Variants in BCAP29 observed in about 807,000 individuals in gnomAD.
The protein encoded by BCAP29 is B-cell receptor-associated protein 29.
A neutral mutation model predicts 31.8 loss-of-function variants in BCAP29; 34 were observed. The ratio of observed to expected loss-of-function variants is 1.07; its 90% CI spans 0.81 to 1.42. BCAP29 has a LOEUF of 1.42. BCAP29 is among the 40% of genes most tolerant of loss of function. The pLI is 0.00. For synonymous variants in BCAP29, 104 were observed against 91.3 expected, an observed-to-expected ratio of 1.14 and a Z score of -0.79; for missense variants, 314 against 269.2, an observed-to-expected ratio of 1.17 and a Z score of -1.16.
Position 107,595,949 on chromosome 7 carries a change from A to T in BCAP29, c.427A>T (p.Asn143Tyr). 1.9e-6 allele frequency: 3 copies of T among 1,594,498 alleles called. No individual in the cohort carries two copies. Among genetic ancestry groups the T allele is most frequent in the Non-Finnish European group, 2.6e-6 (3 of 1,174,162 alleles). The part of the protein sequence containing the change: ...NKGVLKTQAE[N>Y]TNKAAKKFME... ...AGGTGTACTTAAAACTCAAGCAGAA[A>T]ATACTAACAAGGCTGCCAAAAAATT... The change falls in exon 5 of 8, where the codon AAT becomes TAT. Residue 143 changes from asparagine to tyrosine, a missense_variant. Asn to Tyr is a moderately radical substitution (Grantham distance 143, BLOSUM62 -2). Transcript: ENST00000005259.
chr7:107,604,653 T>G (rs934446185), intron 6 of BCAP29, among the ~76,000 whole-genome samples: 2 of 151,604 alleles, frequency 1.3e-5, no homozygotes, highest in African/African-American at 2.4e-5. Context: ...CAGTTTGCTG[T>G]TTTTAGTCAT....
intron 4 of BCAP29, 181 bp from the exon 5 acceptor site, chr7:107,595,686 A>G: frequency 1.9e-6 from 1 of 517,650 alleles, no homozygotes; most frequent in Non-Finnish European, 3.2e-6. Flanking sequence ...ATTCCAAAGG[A>G]ATGAGACACG....
chr7:107,598,391 T>C (rs1043036487), intron 5 of BCAP29, among the ~76,000 whole-genome samples: 2 of 152,142 alleles, frequency 1.3e-5, no homozygotes, highest in African/African-American at 4.8e-5. Flanking sequence ...ATTTCAATCC[T>C]CCCTTCTCCA....
chr7:107,611,777 T>TA, intron 6 of BCAP29, among the ~76,000 whole-genome samples: 1 of 152,354 alleles, frequency 6.6e-6, no homozygotes. Flanking sequence ...TATTTAGAAT[T>TA]ATGCAGCTAT....
chr7:107,595,150 CTT>C (rs973766502), intron 4 of BCAP29, among the ~76,000 whole-genome samples: 2 of 152,208 alleles, frequency 1.3e-5, no homozygotes, highest in African/African-American at 4.8e-5. Context: ...CCATTAGCCT[CTT>C]TCTCAAAGCC....
chr7:107,596,572 TAACTA>T (rs201757328), intron 5 of BCAP29, among the ~76,000 whole-genome samples: 2,146 of 152,320 alleles, frequency 0.014, 49 homozygotes, highest in African/African-American at 0.05. Flanking sequence ...TTGATAGTGT[TAACTA>T]AACTCAAAAG....
chr7:107,612,391 T>TTATATA (rs36213596), intron 6 of BCAP29, among the ~76,000 whole-genome samples: 646 of 30,240 alleles, frequency 0.021, 7 homozygotes, highest in Non-Finnish European at 0.029. Context: ...ATGTATTGTT[T>TTATATA]TATATATATA....
At chr7:107,583,243 A>G (rs541439277) in intron 2 of BCAP29, among the ~76,000 whole-genome samples, 1 of 151,908 alleles carries the variant, frequency 6.6e-6, no homozygotes, top group Non-Finnish European at 1.5e-5. Context: ...CACCTAGACT[A>G]TTTCCCCATC....
At chr7:107,587,041 A>G (rs937276005) in intron 3 of BCAP29, among the ~76,000 whole-genome samples, 10 of 152,098 alleles carry the variant, frequency 6.6e-5, no homozygotes, top group African/African-American at 1.9e-4. Context: ...AAAATAAGGT[A>G]GCTATTAAGA....
intron 3 of BCAP29, among the ~76,000 whole-genome samples, chr7:107,588,889 C>T (rs1808204397): frequency 6.6e-6 from 1 of 152,122 alleles, no homozygotes; most frequent in South Asian, 2.1e-4. Context: ...TGAAAAGGAA[C>T]AGCCAGCAAA....
At position 107,613,412 on chromosome 7, in the gene BCAP29, A is replaced by G; in HGVS notation, c.670A>G (p.Lys224Glu). The G allele has an allele frequency of 6.2e-7, 1 of 1,610,004 alleles. No individual in the cohort carries two copies. Among genetic ancestry groups the G allele is most frequent in the Non-Finnish European group, 8.5e-7 (1 of 1,176,602 alleles). ...RLSKEYDQLL[K>E]EHSELQDRLE... ...TTCGAAAGAATATGATCAACTCCTG[A>G]AAGAACACTCTGAACTTCAGGTGGG... Residue 224 changes from lysine (K) to glutamate (E), a missense_variant, in exon 7 of 8, where the codon AAA becomes GAA. Coordinates refer to ENST00000005259, the MANE Select transcript of BCAP29 (RefSeq NM_018844.4).
chr7:107,606,599 G>A (rs1812144601), intron 6 of BCAP29, among the ~76,000 whole-genome samples: 1 of 152,206 alleles, frequency 6.6e-6, no homozygotes, highest in Non-Finnish European at 1.5e-5. Context: ...AGTGTGCTAT[G>A]TGAAATGGGG....
intron 6 of BCAP29, among the ~76,000 whole-genome samples, chr7:107,611,132 TC>T (rs1813049433): frequency 6.6e-6 from 1 of 152,094 alleles, no homozygotes; most frequent in South Asian, 2.1e-4. Context: ...AGTGCACGAA[TC>T]CCATTAATGA....
chr7:107,604,685 G>T (rs1389349734), intron 6 of BCAP29, among the ~76,000 whole-genome samples: 14 of 147,256 alleles, frequency 9.5e-5, no homozygotes, highest in East Asian at 5.9e-4. Flanking sequence ...TGTTGTTGTT[G>T]TTTTTTTTTT....
At chr7:107,594,681 T>A (rs1247766900) in intron 4 of BCAP29, among the ~76,000 whole-genome samples, 1 of 152,084 alleles carries the variant, frequency 6.6e-6, no homozygotes, top group African/African-American at 2.4e-5. Context: ...TTTTTGTATT[T>A]TCAGTAGAGA....
intron 6 of BCAP29, among the ~76,000 whole-genome samples, chr7:107,603,127 G>A (rs745954858): frequency 8.6e-5 from 13 of 151,754 alleles, no homozygotes; most frequent in Non-Finnish European, 1.9e-4. Flanking sequence ...CTGCCGCCAC[G>A]CCTGGCTAAT....
At chr7:107,610,534 A>T (rs1812928746) in intron 6 of BCAP29, among the ~76,000 whole-genome samples, 1 of 152,220 alleles carries the variant, frequency 6.6e-6, no homozygotes. Context: ...AATGAGATAA[A>T]GGACTGGGAA....
chr7:107,604,725 G>A (rs1399683233), intron 6 of BCAP29, among the ~76,000 whole-genome samples: 1 of 140,566 alleles, frequency 7.1e-6, no homozygotes, highest in Non-Finnish European at 1.6e-5. Flanking sequence ...ATGCACTTTT[G>A]TGATTTAAAT....
intron 7 of BCAP29, chr7:107,613,675 T>G (rs1460852154): frequency 6.2e-7 from 1 of 1,606,298 alleles, no homozygotes; most frequent in East Asian, 2.2e-5. Flanking sequence ...TGGTGAATTT[T>G]TAAGCAAAAG....
Sources: allele counts gnomAD v4.1 joint callset (sites outside exome capture counted in the v4.1 genomes callset), GRCh38; gene constraint gnomAD v4.1.1; transcripts MANE v1.5; gene names NCBI Gene and HGNC (gene_info 2026-07-23, HGNC 2026-07-21).